The following UTP15 variants were observed in gnomAD, a reference collection of about 807,000 sequenced individuals.
The protein encoded by UTP15 is U3 small nucleolar RNA-associated protein 15 homolog.
UTP15 carries 5 observed loss-of-function variants against 59.1 expected under a neutral mutation model. The ratio of observed to expected loss-of-function variants is 0.08; its 90% CI spans 0.04 to 0.18. The LOEUF (loss-of-function observed/expected upper bound fraction) is 0.18. Among genes scored for constraint, UTP15 ranks in the 10% least tolerant of loss-of-function variants. The pLI is 1.00. For synonymous variants in UTP15, 211 were observed against 212.2 expected, an observed-to-expected ratio of 0.99 and a Z score of 0.05; for missense variants, 494 against 616.7, an observed-to-expected ratio of 0.80 and a Z score of 2.11.
At chr5:73,569,731 T>C in intron 5 of UTP15, 56 bp downstream of exon 5, 1 of 1,431,866 alleles carries the variant, frequency 7.0e-7, no homozygotes, top group Non-Finnish European at 9.3e-7. Flanking sequence ...TGTACTTTAA[T>C]GTTGCTATGG....
Position 73,569,687 on chromosome 5 carries a change from C to T in UTP15, c.547+12C>T. On this transcript the variant is annotated intron_variant, in intron 5 of 12. Coordinates refer to ENST00000296792, the MANE Select transcript of UTP15 (RefSeq NM_032175.4). ...TCTCTTTATAACAGGTTGGTGAACTCTATTCCCTCCTGAAGCAAATAATCT... is the reference window on the plus strand; with the variant it reads ...TCTCTTTATAACAGGTTGGTGAACTTTATTCCCTCCTGAAGCAAATAATCT... 1 of 1,572,416 alleles carries T rather than the reference C, an allele frequency of 6.4e-7. No individual in the cohort carries two copies. The highest frequency in any genetic ancestry group is 8.6e-7 in the Non-Finnish European group (1 of 1,158,924).
intron 7 of UTP15, among the ~76,000 whole-genome samples, chr5:73,573,872 C>T (rs568188108): frequency 1.3e-5 from 2 of 151,854 alleles, no homozygotes; most frequent in East Asian, 3.9e-4. Context: ...CCACGCCTGA[C>T]CTAAAAGTTA....
At position 73,578,675 on chromosome 5, in the gene UTP15, A is replaced by T. The variant is rs986621528; in HGVS notation, c.1045-76A>T. Reference sequence around the variant, plus strand: ...CATAGTTCAGAGATACCACTTCATTATGAAAAAGTTTATATTAAATGTATA... The same window carrying T: ...CATAGTTCAGAGATACCACTTCATTTTGAAAAAGTTTATATTAAATGTATA... On this transcript the variant is annotated intron_variant, in intron 9 of 12. Transcript: ENST00000296792. 2.4e-6 allele frequency: 3 copies of T among 1,260,536 alleles called. No individual in the cohort carries two copies. In the Admixed American group the frequency reaches 5.5e-5, roughly 23 times the overall value. The allele number at this position is 1,260,536 out of a possible 1,614,324, so 78.1% of individuals were successfully genotyped here.
At chr5:73,575,800 G>A (rs1348474012) in intron 7 of UTP15, among the ~76,000 whole-genome samples, 2 of 151,096 alleles carry the variant, frequency 1.3e-5, no homozygotes, top group African/African-American at 2.4e-5. Flanking sequence ...TCGGCTCACC[G>A]CACCTTCTGC....
At chr5:73,571,341 A>G (rs1183469546) in intron 6 of UTP15, among the ~76,000 whole-genome samples, 1 of 151,714 alleles carries the variant, frequency 6.6e-6, no homozygotes, top group Non-Finnish European at 1.5e-5. Context: ...AGTACTAGAG[A>G]AAGGAGATAA....
At chr5:73,579,766 AT>A in intron 12 of UTP15, 110 bp from the exon 13 acceptor site, 1 of 559,014 alleles carries the variant, frequency 1.8e-6, no homozygotes, top group Non-Finnish European at 2.9e-6. Flanking sequence ...ATAAGTACAG[AT>A]TTTTCAGTGT....
chr5:73,579,432 A>C, intron 12 of UTP15, 57 bp downstream of exon 12: 1 of 1,333,470 alleles, frequency 7.5e-7, no homozygotes, highest in African/African-American at 1.5e-5. Flanking sequence ...AGAGATGTCA[A>C]ATAATCAAAT....
rs375437290 is a variant in UTP15, at chr5:73,576,982, C to T, written c.840C>T (p.Tyr280=). ...TGAAAGTATACAGCACAACTTCCTA[C>T]AAAGTAGTCCACAGTTTTGATTATG... ...RKVKVYSTTS[Y]KVVHSFDYAA... is the part of the protein sequence containing the mutation. Residue 280 remains tyrosine (Y), a synonymous_variant, in exon 8 of 13, where the codon TAC becomes TAT. Transcript: ENST00000296792. 2 of 1,610,182 alleles carry T rather than the reference C, an allele frequency of 1.2e-6. No homozygotes were observed. The highest frequency in any genetic ancestry group is 4.5e-5 in the East Asian group (2 of 44,796).
Position 73,579,357 on chromosome 5 carries a change from G to A in UTP15, c.1321G>A (p.Ala441Thr). 6.2e-7 allele frequency: 1 copy of A among 1,608,316 alleles called. No individual in the cohort carries two copies. The highest frequency in any genetic ancestry group is 2.2e-5 in the East Asian group (1 of 44,738). ...AAGATTTGCCCCTGTTTTAATCAAT[G>A]CTGCTGAAATAATTATTGGTAAGTC... is the stretch of plus-strand genomic sequence containing the variant. The part of the protein sequence containing the change: ...QPRFAPVLIN[A>T]AEIIIDIYLP... The change falls in exon 12 of 13, where the codon GCT becomes ACT. Residue 441 changes from alanine to threonine, a missense_variant. Physicochemically the swap from Ala to Thr is moderately conservative, Grantham distance 58. Coordinates refer to ENST00000296792, the MANE Select transcript of UTP15 (RefSeq NM_032175.4).
intron 1 of UTP15, 193 bp downstream of exon 1, chr5:73,566,105 TGTTA>T: frequency 3.1e-6 from 1 of 318,552 alleles, no homozygotes; most frequent in Admixed American, 4.3e-5. Flanking sequence ...TGTCCACCGT[TGTTA>T]GTTCCCGGAG....
At chr5:73,578,103 C>G in intron 9 of UTP15, 98 bp downstream of exon 9, 2 of 1,267,138 alleles carry the variant, frequency 1.6e-6, no homozygotes, top group East Asian at 5.2e-5. Flanking sequence ...TCACATGGCA[C>G]TTTATTTTGC....
At chr5:73,566,436 A>G (rs1747767418) in intron 1 of UTP15, among the ~76,000 whole-genome samples, 1 of 152,236 alleles carries the variant, frequency 6.6e-6, no homozygotes, top group Admixed American at 6.5e-5. Flanking sequence ...AGGTACTTTA[A>G]TGAACAGAAG....
rs1042142423 is a variant in UTP15, at chr5:73,569,609, A to C, written c.481A>C (p.Lys161Gln). ...IPNSKEILTF[K>Q]EHSDYVRCGC... Reference sequence around the variant, plus strand: ...AAACTCCAAAGAAATTTTGACATTTAAAGAACACTCTGATTATGTGAGGTG... The same window carrying C: ...AAACTCCAAAGAAATTTTGACATTTCAAGAACACTCTGATTATGTGAGGTG... Residue 161 changes from lysine (K) to glutamine (Q), a missense_variant, in exon 5 of 13, where the codon AAA becomes CAA. Physicochemically the swap from Lys to Gln is moderately conservative, Grantham distance 53 (BLOSUM62 1). Coordinates refer to ENST00000296792, the MANE Select transcript of UTP15 (RefSeq NM_032175.4). The C allele has an allele frequency of 1.2e-6, 2 of 1,613,818 alleles. No homozygotes were observed. Among genetic ancestry groups the C allele is most frequent in the African/African-American group, 2.7e-5 (2 of 74,912 alleles).
chr5:73,567,335 A>G lies in UTP15; in HGVS notation c.-10A>G, dbSNP rs1747805922. On this transcript the variant is annotated 5_prime_UTR_variant, in exon 2 of 13. Coordinates refer to ENST00000296792, the MANE Select transcript of UTP15 (RefSeq NM_032175.4). ...GTGACTCTTGGACAATAGTGCAATT[A>G]TATGGAATTATGGCTGGTTATAAGC... The G allele has an allele frequency of 6.3e-7, 1 of 1,580,312 alleles. No homozygotes were observed. Among genetic ancestry groups the G allele is most frequent in the East Asian group, 2.3e-5 (1 of 43,882 alleles).
At chr5:73,573,749 T>C (rs906473724) in intron 7 of UTP15, among the ~76,000 whole-genome samples, 14 of 151,510 alleles carry the variant, frequency 9.2e-5, no homozygotes, top group Non-Finnish European at 1.5e-4. Flanking sequence ...AATTTTTGTA[T>C]TTTTAGTAGA....
At chr5:73,579,777 T>C in intron 12 of UTP15, 100 bp from the exon 13 acceptor site, 2 of 631,620 alleles carry the variant, frequency 3.2e-6, no homozygotes, top group Admixed American at 3.5e-5. Context: ...TTTTTCAGTG[T>C]TCTTATGTTT....
chr5:73,566,480 G>C (rs1301841270), intron 1 of UTP15, among the ~76,000 whole-genome samples: 1 of 152,112 alleles, frequency 6.6e-6, no homozygotes, highest in Admixed American at 6.5e-5. Context: ...TACAATCATT[G>C]GTCATTGTAT....
chr5:73,565,960 C>A, intron 1 of UTP15, 48 bp downstream of exon 1: 1 of 449,674 alleles, frequency 2.2e-6, no homozygotes, highest in Non-Finnish European at 4.5e-6. Context: ...TCACACCCGG[C>A]CTTCCTGTGT....
chr5:73,574,870 T>C (rs1748044460), intron 7 of UTP15, among the ~76,000 whole-genome samples: 3 of 152,240 alleles, frequency 2.0e-5, no homozygotes, highest in Admixed American at 2.0e-4. Context: ...AGCATGTTAA[T>C]TAAAAAGTAT....
Sources: gnomAD v4.1 joint callset for allele counts (sites outside exome capture counted in the v4.1 genomes callset) on GRCh38, gnomAD v4.1.1 for gene constraint, MANE v1.5 for transcripts, NCBI Gene and HGNC (gene_info 2026-07-23, HGNC 2026-07-21) for gene names.